Variants in CFTR observed in about 807,000 individuals in gnomAD.
The protein encoded by CFTR is cystic fibrosis transmembrane conductance regulator.
A neutral mutation model predicts 171.6 loss-of-function variants in CFTR; 181 were observed. The observed-to-expected ratio is 1.05, with a 90% CI of 0.93 to 1.19. The LOEUF (loss-of-function observed/expected upper bound fraction) is 1.19, where lower values mean the gene tolerates loss of function less well. Ranked by LOEUF, CFTR falls within the 50% of genes most tolerant of loss-of-function variation. CFTR has a pLI of 0.00. For synonymous variants in CFTR, 583 were observed against 608.0 expected (o/e 0.96, Z 0.60); for missense variants, 1,968 against 1,734.7 (o/e 1.13, Z -2.39).
intron 11 of CFTR, among the ~76,000 whole-genome samples, chr7:117,571,189 G>A (rs1791682195): frequency 6.6e-6 from 1 of 152,154 alleles, no homozygotes; most frequent in Non-Finnish European, 1.5e-5. Flanking sequence ...GATCTGGTAG[G>A]AACTTCAGAA....
At chr7:117,664,625 A>T in intron 24 of CFTR, 63 bp from the exon 25 acceptor site, 2 of 1,461,018 alleles carry the variant, frequency 1.4e-6, no homozygotes, top group Non-Finnish European at 1.9e-6. Context: ...GTTTATTTTT[A>T]GAATGTCAAC....
At chr7:117,519,163 G>T (rs1798647394) in intron 3 of CFTR, among the ~76,000 whole-genome samples, 1 of 152,058 alleles carries the variant, frequency 6.6e-6, no homozygotes, top group African/African-American at 2.4e-5. Context: ...CTGAGATTCT[G>T]TTCTAGGTGT....
chr7:117,487,617 A>G (rs1172766200), intron 1 of CFTR: 1 of 152,138 alleles, frequency 6.6e-6, no homozygotes, highest in East Asian at 1.9e-4. Context: ...TGAAAAGGTT[A>G]TGTATCCTTG....
chr7:117,629,234 T>C (rs570466231), intron 22 of CFTR, among the ~76,000 whole-genome samples: 2 of 152,300 alleles, frequency 1.3e-5, no homozygotes, highest in South Asian at 4.1e-4. Context: ...ACTCTCTAGG[T>C]ACTTTGGGGG....
intron 11 of CFTR, among the ~76,000 whole-genome samples, chr7:117,569,394 T>C (rs987065207): frequency 1.3e-5 from 2 of 152,166 alleles, no homozygotes; most frequent in African/African-American, 4.8e-5. Context: ...TAAGTACCCA[T>C]TGGATCAAGG....
At chr7:117,651,466 T>C (rs1176423770) in intron 23 of CFTR, among the ~76,000 whole-genome samples, 1 of 152,202 alleles carries the variant, frequency 6.6e-6, no homozygotes, top group Admixed American at 6.6e-5. Flanking sequence ...CTTTGTCTAC[T>C]CTCTTCAGTT....
At chr7:117,591,821 A>G (rs1431859346) in intron 13 of CFTR, 113 bp from the exon 14 acceptor site, 4 of 638,854 alleles carry the variant, frequency 6.3e-6, no homozygotes, top group African/African-American at 5.6e-5. Flanking sequence ...AATATAATAA[A>G]ATTGTATGAT....
At chr7:117,612,017 A>ATG (rs1792400416) in intron 20 of CFTR, among the ~76,000 whole-genome samples, 2 of 45,272 alleles carry the variant, frequency 4.4e-5, no homozygotes, top group Non-Finnish European at 7.7e-5. Flanking sequence ...ATATATATAT[A>ATG]TATATGTATA....
rs188200785 is a variant in CFTR at position 117,556,139 on chromosome 7, A to C, written c.1393-3325A>C. ...GAGCACAGTGGTGCGATCTCGGCTCACTGCAACCTCTGCCTCCCGGGCTCA... is the reference window on the plus strand; with the variant it reads ...GAGCACAGTGGTGCGATCTCGGCTCCCTGCAACCTCTGCCTCCCGGGCTCA... On this transcript the variant is annotated intron_variant, in intron 10 of 26. Coordinates refer to ENST00000003084, the MANE Select transcript of CFTR (RefSeq NM_000492.4). Among the ~76,000 whole-genome samples the C allele has an allele frequency of 4.0e-4, 61 of 152,216 alleles. 1 individual carries two copies. In the East Asian group the frequency reaches 0.012, roughly 29 times the overall value.
intron 21 of CFTR, among the ~76,000 whole-genome samples, chr7:117,617,728 C>A (rs988972250): frequency 6.6e-6 from 1 of 152,066 alleles, no homozygotes; most frequent in African/African-American, 2.4e-5. Flanking sequence ...ATATGCAATA[C>A]CTCCCTCTTT....
In CFTR at chr7:117,608,349, C is replaced by T. The variant is rs546874688; in HGVS notation, c.2988+1596C>T. On this transcript the variant is annotated intron_variant, in intron 18 of 26. Coordinates refer to ENST00000003084, the MANE Select transcript of CFTR (RefSeq NM_000492.4). ...CCTCCAGAGTAGCTGGGATTACAGG[C>T]GCGCACCACCATGCCTGGATAATTT... is the stretch of plus-strand genomic sequence containing the variant. Among the ~76,000 whole-genome samples the T allele has an allele frequency of 5.9e-5, 9 of 152,176 alleles. No homozygotes were observed. In the East Asian group the frequency reaches 7.7e-4, roughly 13 times the overall value.
At position 117,664,839 on chromosome 7, in the gene CFTR, C is replaced by T. The variant is rs397508677; in HGVS notation, c.4115C>T (p.Pro1372Leu). ...GCGAAGATCTTGCTGCTTGATGAAC[C>T]CAGTGCTCATTTGGATCCAGTGTGA... Reference protein sequence around the residue: ...SKAKILLLDEPSAHLDPVTYQ... With the variant: ...SKAKILLLDELSAHLDPVTYQ... Residue 1372 changes from proline to leucine, a missense_variant, in exon 25 of 27, where the codon CCC becomes CTC. Physicochemically the swap from Pro to Leu is moderately conservative, Grantham distance 98. Transcript: ENST00000003084. 2.5e-6 allele frequency: 4 copies of T among 1,613,934 alleles called. No homozygotes were observed. Among genetic ancestry groups the T allele is most frequent in the Admixed American group, 3.3e-5 (2 of 60,000 alleles).
chr7:117,617,280 CTTT>C (rs753988390), intron 21 of CFTR, among the ~76,000 whole-genome samples: 2 of 141,254 alleles, frequency 1.4e-5, no homozygotes, highest in Non-Finnish European at 1.5e-5. Flanking sequence ...GACAGTGTGG[CTTT>C]TTTTTTTTTT....
intron 23 of CFTR, among the ~76,000 whole-genome samples, chr7:117,644,342 C>A (rs572071522): frequency 1.3e-5 from 2 of 151,756 alleles, no homozygotes; most frequent in East Asian, 1.9e-4. Flanking sequence ...ATGTCGAAAC[C>A]AAGAGACGCT....
At chr7:117,566,732 A>G (rs1791608155) in intron 11 of CFTR, among the ~76,000 whole-genome samples, 2 of 152,222 alleles carry the variant, frequency 1.3e-5, no homozygotes, top group African/African-American at 4.8e-5. Flanking sequence ...TGAACAGAAC[A>G]TACCCATCAG....
intron 10 of CFTR, among the ~76,000 whole-genome samples, chr7:117,558,787 A>C (rs1009929526): frequency 1.3e-5 from 2 of 151,884 alleles, no homozygotes; most frequent in Admixed American, 1.3e-4. Context: ...TACACTCCAC[A>C]CTTATACCCC....
chr7:117,515,124 T>C (rs1198549609), intron 3 of CFTR, among the ~76,000 whole-genome samples: 1 of 152,198 alleles, frequency 6.6e-6, no homozygotes, highest in East Asian at 1.9e-4. Context: ...GATGATAGGT[T>C]CTTTTGCTGT....
At chr7:117,505,049 CA>C (rs932308388) in intron 2 of CFTR, among the ~76,000 whole-genome samples, 5 of 152,088 alleles carry the variant, frequency 3.3e-5, no homozygotes, top group African/African-American at 9.7e-5. Flanking sequence ...TACTGGTTAT[CA>C]AACAAATGTA....
intron 3 of CFTR, among the ~76,000 whole-genome samples, chr7:117,516,325 AC>A: frequency 6.6e-6 from 1 of 152,198 alleles, no homozygotes; most frequent in South Asian, 2.1e-4. Flanking sequence ...ACTTATCTGG[AC>A]CTCAGTTTCC....
Sources: allele counts gnomAD v4.1 joint callset (sites outside exome capture counted in the v4.1 genomes callset), GRCh38; gene constraint gnomAD v4.1.1; transcripts MANE v1.5; gene names NCBI Gene and HGNC (gene_info 2026-07-23, HGNC 2026-07-21).